The following KIAA1671 variants were observed in gnomAD, a reference collection of about 807,000 sequenced individuals.
KIAA1671 encodes the protein uncharacterized protein KIAA1671.
A neutral mutation model predicts 131.2 loss-of-function variants in KIAA1671; 52 were observed. That is an observed-to-expected ratio of 0.40 (90% CI 0.32 to 0.50). The LOEUF is 0.50. Ranked by LOEUF, KIAA1671 falls within the 20% of genes least tolerant of loss-of-function variation. KIAA1671 has a pLI of 0.73. For missense variants in KIAA1671, 2,360 were observed against 2,364.2 expected, an observed-to-expected ratio of 1.00 and a Z score of 0.04; for synonymous variants, 1,003 against 961.6, an observed-to-expected ratio of 1.04 and a Z score of -0.80.
At position 25,040,175 on chromosome 22, in the gene KIAA1671, G is replaced by A. The variant is rs1438796315; in HGVS notation, c.3045G>A (p.Val1015=). 6.4e-7 allele frequency: 1 copy of A among 1,551,726 alleles called. No homozygotes were observed. Among genetic ancestry groups the A allele is most frequent in the Non-Finnish European group, 8.7e-7 (1 of 1,147,012 alleles). ...CACGGGACCAGACTTCCCCAGCAGT[G>A]AAGCAAGGGTCACCTGTGGAACCCA... The part of the protein sequence containing the change: ...GASRDQTSPA[V]KQGSPVEPKA... The change falls in exon 5 of 13, where the codon GTG becomes GTA. Residue 1015 remains valine (V), a synonymous_variant. Coordinates refer to ENST00000358431, the MANE Select transcript of KIAA1671 (RefSeq NM_001145206.2).
At position 25,071,810 on chromosome 22, in the gene KIAA1671, A is replaced by G. The variant is rs190705909; in HGVS notation, c.4530+22446A>G. On this transcript the variant is annotated intron_variant, in intron 6 of 12. Transcript: ENST00000358431. ...GTTCATTCAGCACACACTTACCAGC[A>G]GTAGTTTGGAGCTAGCGCCAGATAC... Among the ~76,000 whole-genome samples, 278 of 152,284 alleles carry G rather than the reference A, an allele frequency of 1.8e-3. 4 individuals are homozygous for G. In the South Asian group the frequency reaches 0.04, roughly 22 times the overall value.
At chr22:24,964,286 G>A (rs191049555) in intron 1 of KIAA1671, among the ~76,000 whole-genome samples, 33 of 151,962 alleles carry the variant, frequency 2.2e-4, no homozygotes, top group African/African-American at 7.5e-4. Context: ...CCAAGATTGT[G>A]CTATTGTACT....
chr22:25,029,114 G>A lies in KIAA1671; in HGVS notation c.1115G>A (p.Gly372Glu), dbSNP rs1194478861. ...ATGGGCAGCCCCAGAGCCCTGGTGG[G>A]GGGCTCATCTGGGGTCACCCCCAGC... The part of the protein sequence containing the change: ...PEMGSPRALV[G>E]GSSGVTPSND... The change falls in exon 3 of 13, where the codon GGG becomes GAG. Residue 372 changes from glycine (G) to glutamate (E), a missense_variant. Coordinates refer to ENST00000358431, the MANE Select transcript of KIAA1671 (RefSeq NM_001145206.2). The A allele has an allele frequency of 4.0e-5, 59 of 1,469,504 alleles. 2 individuals are homozygous for A. The Middle Eastern group carries it at 5.4e-4, about 13-fold the overall frequency. 91.0% of individuals were successfully genotyped at this position (1,469,504 alleles called of 1,614,324 possible).
chr22:25,047,732 C>A (rs901554697), intron 5 of KIAA1671, among the ~76,000 whole-genome samples: 7 of 152,190 alleles, frequency 4.6e-5, no homozygotes, highest in African/African-American at 1.7e-4. Flanking sequence ...GTCGGCCTCC[C>A]GAAGTGGTGG....
intron 6 of KIAA1671, among the ~76,000 whole-genome samples, chr22:25,148,979 C>G (rs188314194): frequency 1.9e-4 from 29 of 152,308 alleles, no homozygotes; most frequent in Admixed American, 1.6e-3. Context: ...TTCCGAAAAG[C>G]TCCTTGTATC....
Position 25,093,808 on chromosome 22 carries a change from CTCTGTCTCTCTCTCTT to C in KIAA1671, c.4530+44448_4530+44463del, listed in dbSNP as rs1568951416. On this transcript the variant is annotated intron_variant, in intron 6 of 12. Coordinates refer to ENST00000358431, the MANE Select transcript of KIAA1671 (RefSeq NM_001145206.2). ...TCTCTCTCTCTCTCTCTCTCTCTCT[CTCTGTCTCTCTCTCTT>C]TCTCTCTCTGTCTGTCTCTCTCTCT... is the stretch of plus-strand genomic sequence containing the variant. Among the ~76,000 whole-genome samples, 55 of 130,838 alleles carry C rather than the reference CTCTGTCTCTCTCTCTT, an allele frequency of 4.2e-4. 8 individuals are homozygous for C. Among genetic ancestry groups the C allele is most frequent in the Non-Finnish European group, 5.6e-4 (34 of 60,540 alleles). The allele number at this position is 130,838 out of a possible 152,430, so 85.8% of individuals were successfully genotyped here.
intron 6 of KIAA1671, chr22:25,051,228 G>A (rs538794542): frequency 1.3e-5 from 2 of 152,490 alleles, no homozygotes; most frequent in South Asian, 2.1e-4. Context: ...GCAATTCTGG[G>A]GAGTGGCCAC....
rs1284495772 is a variant in KIAA1671, at chr22:25,140,298, C to T, written c.4531-30522C>T. Reference sequence around the variant, plus strand: ...CAGTTCCTTGCCACATGGGCTTTCTCATGGCCATTTGCTTCATTAAGCCAG... The same window carrying T: ...CAGTTCCTTGCCACATGGGCTTTCTTATGGCCATTTGCTTCATTAAGCCAG... On this transcript the variant is annotated intron_variant, in intron 6 of 12. Coordinates refer to ENST00000358431, the MANE Select transcript of KIAA1671 (RefSeq NM_001145206.2). Among the ~76,000 whole-genome samples the T allele has an allele frequency of 2.0e-5, 3 of 152,338 alleles. No individual in the cohort carries two copies. In the Middle Eastern group the frequency reaches 0.01, roughly 518 times the overall value.
chr22:25,051,256 C>T (rs1274451281), intron 6 of KIAA1671: 1 of 152,242 alleles, frequency 6.6e-6, no homozygotes, highest in Non-Finnish European at 1.5e-5. Flanking sequence ...AGGTGGTGTT[C>T]AGCTCCTATC....
chr22:25,170,400 G>A (rs572493210), intron 6 of KIAA1671, among the ~76,000 whole-genome samples: 7 of 152,206 alleles, frequency 4.6e-5, no homozygotes, highest in South Asian at 2.1e-4. Flanking sequence ...TGGGAAACAC[G>A]GTGGTGGTAG....
At chr22:25,187,117 C>T (rs1471819249) in intron 11 of KIAA1671, among the ~76,000 whole-genome samples, 1 of 152,180 alleles carries the variant, frequency 6.6e-6, no homozygotes, top group Non-Finnish European at 1.5e-5. Context: ...CTCTCACCCC[C>T]TCAGGTGCAG....
intron 2 of KIAA1671, among the ~76,000 whole-genome samples, chr22:25,027,424 C>T (rs971956514): frequency 2.0e-5 from 3 of 152,166 alleles, no homozygotes; most frequent in Admixed American, 6.5e-5. Context: ...TTAGGATCAC[C>T]TGGGATGTGG....
chr22:25,119,957 G>A (rs1931854986), intron 6 of KIAA1671, among the ~76,000 whole-genome samples: 2 of 152,246 alleles, frequency 1.3e-5, no homozygotes, highest in African/African-American at 4.8e-5. Context: ...TTTAGCATTG[G>A]AGGGTACTGA....
At chr22:25,097,331 C>G (rs1023409344) in intron 6 of KIAA1671, among the ~76,000 whole-genome samples, 1 of 152,090 alleles carries the variant, frequency 6.6e-6, no homozygotes, top group African/African-American at 2.4e-5. Context: ...ACAAAGACCC[C>G]CATAAAAATG....
At position 25,158,217 on chromosome 22, in the gene KIAA1671, G is replaced by C. The variant is rs1246248020; in HGVS notation, c.4531-12603G>C. On this transcript the variant is annotated intron_variant, in intron 6 of 12. Transcript: ENST00000358431. ...AGCAGATGGTCCTGTGATATATCAA[G>C]AGGGTCTGGGTAAATAGCAGTGTCA... 3.3e-5 allele frequency among the ~76,000 whole-genome samples: 5 copies of C among 152,202 alleles called. No individual in the cohort carries two copies. The East Asian group carries it at 9.6e-4, about 29-fold the overall frequency.
intron 1 of KIAA1671, among the ~76,000 whole-genome samples, chr22:24,959,569 C>T (rs1921904564): frequency 6.6e-6 from 1 of 151,812 alleles, no homozygotes; most frequent in African/African-American, 2.4e-5. Context: ...GGCACATACA[C>T]ACACACACAC....
intron 6 of KIAA1671, among the ~76,000 whole-genome samples, chr22:25,144,875 A>G (rs1534917): frequency 0.29 from 43,837 of 151,294 alleles, 6,416 homozygotes; most frequent in Middle Eastern, 0.3. Flanking sequence ...ATACCTTTTC[A>G]GGGCTCTGGT....
intron 1 of KIAA1671, among the ~76,000 whole-genome samples, chr22:24,980,895 C>T (rs1430174706): frequency 2.0e-5 from 3 of 151,860 alleles, no homozygotes; most frequent in Non-Finnish European, 2.9e-5. Flanking sequence ...TACAGGCATG[C>T]GCCATCATGC....
In KIAA1671 at chr22:25,193,402, T is replaced by G. The variant is rs968850551; in HGVS notation, c.*1001T>G. The stretch of plus-strand genomic sequence containing the variant: ...CCTAGTAATCTTTTTCTCCAGAGTC[T>G]TCTTTGAACATGACGTGGGCTGCTG... On this transcript the variant is annotated 3_prime_UTR_variant, in exon 13 of 13. Transcript: ENST00000358431. 1.6e-4 allele frequency: 25 copies of G among 152,248 alleles called. No homozygotes were observed. The highest frequency in any genetic ancestry group is 5.1e-4 in the African/African-American group (21 of 41,464). 9.4% of individuals were successfully genotyped at this position (152,248 alleles called of 1,614,324 possible).
Sources: allele counts gnomAD v4.1 joint callset (sites outside exome capture counted in the v4.1 genomes callset), GRCh38; gene constraint gnomAD v4.1.1; transcripts MANE v1.5; gene names NCBI Gene and HGNC (gene_info 2026-07-23, HGNC 2026-07-21).